GPC5: variants seen among roughly 807,000 people sequenced by gnomAD.
GPC5 encodes glypican-5.
In GPC5, 47 loss-of-function variants were observed where a neutral mutation model predicts 53.9. The ratio of observed to expected loss-of-function variants is 0.87; its 90% CI spans 0.69 to 1.11. The LOEUF (loss-of-function observed/expected upper bound fraction) is 1.11. GPC5 is among the 50% of genes most tolerant of loss of function. The probability of loss-of-function intolerance (pLI) is 0.00; values close to 1 mark genes in which losing one functional copy is unlikely to be tolerated. For synonymous variants in GPC5, 286 were observed against 263.3 expected (o/e 1.09, Z -0.84); for missense variants, 748 against 713.1 (o/e 1.05, Z -0.56).
At chr13:92,739,707 T>C (rs988547105) in intron 7 of GPC5, among the ~76,000 whole-genome samples, 5 of 127,256 alleles carry the variant, frequency 3.9e-5, no homozygotes, top group African/African-American at 1.5e-4. Flanking sequence ...ACTCCCATCT[T>C]AAAAAAAAAA....
chr13:91,940,620 A>G (rs1472353607), intron 6 of GPC5, among the ~76,000 whole-genome samples: 3 of 152,144 alleles, frequency 2.0e-5, no homozygotes, highest in Non-Finnish European at 2.9e-5. Context: ...AGCAGTGTAT[A>G]AGCATTCCCT....
intron 2 of GPC5, chr13:91,485,931 G>T (rs1443961801): frequency 6.6e-6 from 1 of 152,192 alleles, no homozygotes; most frequent in East Asian, 1.9e-4. Context: ...ATTACTCCAT[G>T]AGGATGGGTA....
chr13:91,564,783 T>C (rs2031449488), intron 2 of GPC5, among the ~76,000 whole-genome samples: 1 of 152,144 alleles, frequency 6.6e-6, no homozygotes, highest in Non-Finnish European at 1.5e-5. Context: ...ATCAGGCATA[T>C]TATCGATTTT....
intron 7 of GPC5, among the ~76,000 whole-genome samples, chr13:92,542,520 G>A (rs1327297823): frequency 6.6e-6 from 1 of 151,850 alleles, no homozygotes; most frequent in African/African-American, 2.4e-5. Flanking sequence ...GGTGGTTTTC[G>A]GTAGTTATAA....
At chr13:91,597,769 TC>T (rs941147413) in intron 2 of GPC5, among the ~76,000 whole-genome samples, 8 of 152,074 alleles carry the variant, frequency 5.3e-5, no homozygotes, top group African/African-American at 1.9e-4. Context: ...TGGGGCATAT[TC>T]CTTATGGCAT....
At chr13:92,473,413 A>C (rs529360714) in intron 7 of GPC5, among the ~76,000 whole-genome samples, 27 of 152,248 alleles carry the variant, frequency 1.8e-4, no homozygotes, top group African/African-American at 6.5e-4. Context: ...TACTTATGGC[A>C]TGGGCCACAG....
chr13:91,548,844 A>C (rs1176599744), intron 2 of GPC5, among the ~76,000 whole-genome samples: 2 of 152,238 alleles, frequency 1.3e-5, no homozygotes, highest in African/African-American at 4.8e-5. Flanking sequence ...GACAATACAA[A>C]GGAGCAAAGA....
chr13:92,667,328 A>C (rs1399538930), intron 7 of GPC5, among the ~76,000 whole-genome samples: 1 of 152,150 alleles, frequency 6.6e-6, no homozygotes, highest in African/African-American at 2.4e-5. Context: ...GATAATGCAG[A>C]GAGTGCTTGG....
chr13:92,525,749 C>A (rs950443265), intron 7 of GPC5, among the ~76,000 whole-genome samples: 1 of 151,964 alleles, frequency 6.6e-6, no homozygotes, highest in South Asian at 2.1e-4. Context: ...GTGAAGGGAG[C>A]TCACTTCTGG....
chr13:92,641,457 T>A (rs1885593033), intron 7 of GPC5, among the ~76,000 whole-genome samples: 1 of 152,202 alleles, frequency 6.6e-6, no homozygotes, highest in African/African-American at 2.4e-5. Context: ...GAAAGAGATA[T>A]AAAAACTAAA....
At chr13:92,228,685 T>G (rs1023284180) in intron 7 of GPC5, among the ~76,000 whole-genome samples, 1 of 152,130 alleles carries the variant, frequency 6.6e-6, no homozygotes, top group Admixed American at 6.6e-5. Context: ...ATGTCAGAGA[T>G]AAAAAGCATC....
chr13:92,740,942 G>GTATATATATATATATATATA, intron 7 of GPC5, among the ~76,000 whole-genome samples: 2 of 99,958 alleles, frequency 2.0e-5, no homozygotes, highest in African/African-American at 7.2e-5. Context: ...GCATGTATGT[G>GTATATATATATATATATATA]TGTATATATA....
At chr13:92,735,618 AATGTTATCCACATCAT>A (rs1242561580) in intron 7 of GPC5, among the ~76,000 whole-genome samples, 1 of 151,976 alleles carries the variant, frequency 6.6e-6, no homozygotes, top group African/African-American at 2.4e-5. Context: ...TGGAAAATGA[AATGTTATCCACATCAT>A]ATTTTCCTAA....
At chr13:91,841,620 A>G (rs534311420) in intron 5 of GPC5, among the ~76,000 whole-genome samples, 1 of 152,224 alleles carries the variant, frequency 6.6e-6, no homozygotes, top group South Asian at 2.1e-4. Flanking sequence ...CATTAATGGT[A>G]TTTGCTCTTT....
At chr13:91,562,619 A>AT (rs35271520) in intron 2 of GPC5, among the ~76,000 whole-genome samples, 18,167 of 125,976 alleles carry the variant, frequency 0.14, 1,425 homozygotes, top group Non-Finnish European at 0.16. Flanking sequence ...ATGCCTGGCT[A>AT]TTTTTTTTTT....
At chr13:92,627,660 TA>T (rs1344820078) in intron 7 of GPC5, among the ~76,000 whole-genome samples, 3 of 152,226 alleles carry the variant, frequency 2.0e-5, no homozygotes, top group African/African-American at 7.2e-5. Flanking sequence ...GATTTGGAAT[TA>T]TACGAAAGGT....
At chr13:91,437,502 T>C (rs1222740176) in intron 1 of GPC5, among the ~76,000 whole-genome samples, 1 of 152,232 alleles carries the variant, frequency 6.6e-6, no homozygotes, top group Non-Finnish European at 1.5e-5. Flanking sequence ...TTTAAGAATG[T>C]TGAATATTGG....
At chr13:92,398,846 A>G (rs950667379) in intron 7 of GPC5, among the ~76,000 whole-genome samples, 4 of 152,144 alleles carry the variant, frequency 2.6e-5, no homozygotes, top group African/African-American at 9.7e-5. Flanking sequence ...CTTCTTGACT[A>G]CATACCCAGA....
At position 92,623,758 on chromosome 13, in the gene GPC5, A is replaced by AT. The variant is rs547693634; in HGVS notation, c.1562-242524_1562-242523insT. 2.5e-4 allele frequency among the ~76,000 whole-genome samples: 38 copies of AT among 152,216 alleles called. No individual in the cohort carries two copies. The East Asian group carries it at 6.4e-3, about 26-fold the overall frequency. On this transcript the variant is annotated intron_variant, in intron 7 of 7. Coordinates refer to ENST00000377067, the MANE Select transcript of GPC5 (RefSeq NM_004466.6). ...AAATAGTTTTCAAATTAAAAAAAAA[A>AT]CCAGTGAAATAGTTGCTTCTGAGCA...
Sources: allele counts gnomAD v4.1 joint callset (sites outside exome capture counted in the v4.1 genomes callset), GRCh38; gene constraint gnomAD v4.1.1; transcripts MANE v1.5; gene names NCBI Gene and HGNC (gene_info 2026-07-23, HGNC 2026-07-21).